The following IL1RAPL2 variants were observed in gnomAD, a reference collection of about 807,000 sequenced individuals.
IL1RAPL2 encodes interleukin 1 receptor accessory protein like 2, also known as X-linked interleukin-1 receptor accessory protein-like 2.
Under a neutral mutation model 44.1 loss-of-function variants are expected in IL1RAPL2, and 3 were observed. The ratio of observed to expected loss-of-function variants is 0.07; its 90% CI spans 0.03 to 0.18. The LOEUF (loss-of-function observed/expected upper bound fraction) is 0.18, where lower values mean the gene tolerates loss of function less well. Among genes scored for constraint, IL1RAPL2 ranks in the 10% least tolerant of loss-of-function variants. IL1RAPL2 has a pLI of 1.00. For missense variants in IL1RAPL2, 391 were observed against 496.4 expected (o/e 0.79, Z 2.02); for synonymous variants, 181 against 178.8 (o/e 1.01, Z -0.10).
At chrX:105,763,909 A>G (rs1301013785) in intron 10 of IL1RAPL2, among the ~76,000 whole-genome samples, 2 of 111,446 alleles carry the variant, frequency 1.8e-5, no homozygotes. Context: ...CAAATGGCTC[A>G]TGTTTTCTTT....
At chrX:104,678,835 C>T (rs181036659) in intron 2 of IL1RAPL2, among the ~76,000 whole-genome samples, 5 of 110,308 alleles carry the variant, frequency 4.5e-5, no homozygotes, top group East Asian at 5.8e-4. Context: ...GGATGAGGGG[C>T]GAGAGGAGGG....
intron 2 of IL1RAPL2, among the ~76,000 whole-genome samples, chrX:104,941,923 G>T (rs1440819153): frequency 1.8e-5 from 2 of 111,679 alleles, no homozygotes; most frequent in Non-Finnish European, 3.8e-5. Flanking sequence ...CATATGGCTA[G>T]CCAGTTTTCC....
intron 5 of IL1RAPL2, among the ~76,000 whole-genome samples, chrX:105,413,676 C>T (rs1348935358): frequency 8.9e-6 from 1 of 112,365 alleles, no homozygotes; most frequent in Non-Finnish European, 1.9e-5. Context: ...TAAATCATTA[C>T]GTTTGTGGTA....
chrX:104,995,860 T>A (rs1326604894), intron 2 of IL1RAPL2, among the ~76,000 whole-genome samples: 2 of 111,669 alleles, frequency 1.8e-5, no homozygotes, highest in African/African-American at 6.5e-5. Flanking sequence ...TTTTACCATT[T>A]CTCTAGCAAC....
At chrX:105,155,739 G>A (rs1203082826) in intron 2 of IL1RAPL2, among the ~76,000 whole-genome samples, 1 of 111,307 alleles carries the variant, frequency 9.0e-6, no homozygotes, top group Non-Finnish European at 1.9e-5. Context: ...CAGAACTGAT[G>A]AGATGGATGC....
chrX:105,256,414 C>T (rs1187866766), intron 4 of IL1RAPL2, among the ~76,000 whole-genome samples: 2 of 108,904 alleles, frequency 1.8e-5, no homozygotes, highest in East Asian at 2.9e-4. Context: ...CTTCAACCTC[C>T]GCCTCCTGGA....
intron 2 of IL1RAPL2, among the ~76,000 whole-genome samples, chrX:104,938,073 A>G (rs954914848): frequency 1.8e-5 from 2 of 112,627 alleles, no homozygotes; most frequent in East Asian, 5.6e-4. Context: ...AGTTTTGATT[A>G]AACACAAAGC....
At chrX:105,184,312 C>T (rs1191296644) in intron 2 of IL1RAPL2, among the ~76,000 whole-genome samples, 1 of 110,847 alleles carries the variant, frequency 9.0e-6, no homozygotes, top group East Asian at 2.8e-4. Context: ...AGTAAGCCAT[C>T]TTGAATCCTT....
intron 5 of IL1RAPL2, among the ~76,000 whole-genome samples, chrX:105,403,369 C>T (rs1038883590): frequency 4.5e-5 from 5 of 111,173 alleles, no homozygotes; most frequent in Non-Finnish European, 9.4e-5. Flanking sequence ...AAGTAAATGA[C>T]ATTTTGAAAT....
intron 6 of IL1RAPL2, among the ~76,000 whole-genome samples, chrX:105,570,860 T>C (rs2037009993): frequency 9.0e-6 from 1 of 111,570 alleles, no homozygotes; most frequent in African/African-American, 3.3e-5. Context: ...TGCCATGCAT[T>C]TGGAGATGGC....
Position 104,878,784 on chromosome X carries a change from G to A in IL1RAPL2, c.82+219789G>A, listed in dbSNP as rs950564567. On this transcript the variant is annotated intron_variant, in intron 2 of 10. Coordinates refer to ENST00000372582, the MANE Select transcript of IL1RAPL2 (RefSeq NM_017416.2). ...TTTAAAGGGCAGATATTTCTGGAAGGATAATTCTAAAAAATATTACTGGGC... is the reference window on the plus strand; with the variant it reads ...TTTAAAGGGCAGATATTTCTGGAAGAATAATTCTAAAAAATATTACTGGGC... Among the ~76,000 whole-genome samples, 19 of 111,419 alleles carry A rather than the reference G, an allele frequency of 1.7e-4. 1 individual carries two copies. The highest frequency in any genetic ancestry group is 4.6e-3 in the Middle Eastern group (1 of 217).
intron 6 of IL1RAPL2, among the ~76,000 whole-genome samples, chrX:105,684,477 G>A (rs1189289414): frequency 8.9e-6 from 1 of 112,563 alleles, no homozygotes; most frequent in Non-Finnish European, 1.9e-5. Context: ...CCTGGCTCGG[G>A]GAGGGGCGTC....
At chrX:105,390,565 T>C (rs778916804) in intron 5 of IL1RAPL2, among the ~76,000 whole-genome samples, 2 of 111,447 alleles carry the variant, frequency 1.8e-5, no homozygotes, top group African/African-American at 6.5e-5. Flanking sequence ...ATCTGCTTAG[T>C]TAAGAGTTAA....
chrX:105,103,940 C>T (rs951947813), intron 2 of IL1RAPL2, among the ~76,000 whole-genome samples: 8 of 112,132 alleles, frequency 7.1e-5, no homozygotes, highest in East Asian at 5.6e-4. Context: ...AGTTTTCAAA[C>T]GCCTGGGTAA....
chrX:105,527,524 G>T (rs1419885745), intron 6 of IL1RAPL2, among the ~76,000 whole-genome samples: 1 of 109,004 alleles, frequency 9.2e-6, no homozygotes, highest in Non-Finnish European at 1.9e-5. Flanking sequence ...TTTACCAAAA[G>T]TTACCCTTAG....
At chrX:104,639,479 G>A (rs1479974377) in intron 1 of IL1RAPL2, among the ~76,000 whole-genome samples, 2 of 111,483 alleles carry the variant, frequency 1.8e-5, no homozygotes, top group East Asian at 5.6e-4. Flanking sequence ...ATTGTTTTCA[G>A]GTTGTTTTAT....
At chrX:104,604,762 A>G (rs904064478) in intron 1 of IL1RAPL2, among the ~76,000 whole-genome samples, 5 of 111,169 alleles carry the variant, frequency 4.5e-5, no homozygotes, top group African/African-American at 3.3e-5. Flanking sequence ...ATGCAGCAAA[A>G]TAACTAACTA....
At chrX:105,677,461 GAACA>G (rs1184228321) in intron 6 of IL1RAPL2, among the ~76,000 whole-genome samples, 2 of 112,167 alleles carry the variant, frequency 1.8e-5, no homozygotes, top group South Asian at 3.7e-4. Context: ...AGGCTCTATA[GAACA>G]AACAAAGAGA....
intron 6 of IL1RAPL2, among the ~76,000 whole-genome samples, chrX:105,670,142 T>TATATATATATATAAAA (rs1365896538): frequency 3.8e-5 from 2 of 52,985 alleles, no homozygotes; most frequent in African/African-American, 1.5e-4. Context: ...TATATATATA[T>TATATATATATATAAAA]ATATATCTCC....
Sources: gnomAD v4.1 joint callset for allele counts (sites outside exome capture counted in the v4.1 genomes callset) on GRCh38, gnomAD v4.1.1 for gene constraint, MANE v1.5 for transcripts, NCBI Gene and HGNC (gene_info 2026-07-23, HGNC 2026-07-21) for gene names.